Variants in TRPM3 observed in about 807,000 individuals in gnomAD.
TRPM3 encodes the protein long transient receptor potential channel 3.
A neutral mutation model predicts 181.2 loss-of-function variants in TRPM3; 77 were observed. The observed-to-expected ratio is 0.42, with a 90% CI of 0.35 to 0.51. TRPM3 has a LOEUF of 0.51. Ranked by LOEUF, TRPM3 falls within the 20% of genes least tolerant of loss-of-function variation. The probability of loss-of-function intolerance (pLI) is 0.01; values close to 1 mark genes in which losing one functional copy is unlikely to be tolerated. For synonymous variants in TRPM3, 745 were observed against 796.4 expected (o/e 0.94, Z 1.09); for missense variants, 1,759 against 2,196.7 (o/e 0.80, Z 3.98).
chr9:70,823,073 C>T (rs896342646), intron 6 of TRPM3, among the ~76,000 whole-genome samples: 3 of 152,138 alleles, frequency 2.0e-5, no homozygotes, highest in African/African-American at 7.2e-5. Flanking sequence ...GCCTCTCCTC[C>T]TCACGGAGGC....
intron 1 of TRPM3, among the ~76,000 whole-genome samples, chr9:70,867,501 C>T (rs1390775700): frequency 1.3e-5 from 2 of 152,006 alleles, no homozygotes; most frequent in African/African-American, 2.4e-5. Flanking sequence ...AGGTGAAACG[C>T]TACATCATTG....
intron 6 of TRPM3, among the ~76,000 whole-genome samples, chr9:70,789,063 C>T (rs888042439): frequency 1.3e-5 from 2 of 152,158 alleles, no homozygotes; most frequent in African/African-American, 4.8e-5. Context: ...TCTCCTCTTT[C>T]TTTCTTGTTT....
At chr9:71,004,993 C>A (rs1326981027) in intron 1 of TRPM3, among the ~76,000 whole-genome samples, 4 of 152,118 alleles carry the variant, frequency 2.6e-5, no homozygotes, top group Non-Finnish European at 5.9e-5. Flanking sequence ...CATCATCCAT[C>A]AGACCAACTT....
chr9:70,804,463 G>C (rs1381925019), intron 6 of TRPM3, among the ~76,000 whole-genome samples: 5 of 152,158 alleles, frequency 3.3e-5, no homozygotes, highest in Non-Finnish European at 4.4e-5. Context: ...TAATAAAGTT[G>C]TTTGTTTTTC....
intron 7 of TRPM3, among the ~76,000 whole-genome samples, chr9:70,765,359 G>A (rs1021423024): frequency 1.3e-5 from 2 of 152,186 alleles, no homozygotes; most frequent in African/African-American, 2.4e-5. Flanking sequence ...GGAAGCCAGA[G>A]GCGGGTGGAT....
At chr9:70,544,293 A>G (rs1265805071) in intron 25 of TRPM3, among the ~76,000 whole-genome samples, 1 of 152,196 alleles carries the variant, frequency 6.6e-6, no homozygotes, top group Admixed American at 6.5e-5. Context: ...TAGGTAATTA[A>G]ACAGACGGTA....
chr9:70,752,325 C>G (rs1463002721), intron 8 of TRPM3, among the ~76,000 whole-genome samples: 1 of 152,052 alleles, frequency 6.6e-6, no homozygotes, highest in Non-Finnish European at 1.5e-5. Flanking sequence ...TAAGGATGGA[C>G]CATTAAATAA....
At chr9:70,659,197 G>A (rs2060777780) in intron 9 of TRPM3, among the ~76,000 whole-genome samples, 2 of 152,126 alleles carry the variant, frequency 1.3e-5, no homozygotes, top group South Asian at 2.1e-4. Context: ...CTGGAATGGT[G>A]TGCTTTCCTT....
upstream of TRPM3, among the ~76,000 whole-genome samples, chr9:71,125,387 C>T (rs2073967452): frequency 6.6e-6 from 1 of 152,104 alleles, no homozygotes; most frequent in Non-Finnish European, 1.5e-5. Context: ...TGTTGTTACC[C>T]TCCCTGTGTC....
chr9:70,765,785 G>A (rs2078997366), intron 7 of TRPM3, among the ~76,000 whole-genome samples: 1 of 151,820 alleles, frequency 6.6e-6, no homozygotes, highest in Admixed American at 6.6e-5. Flanking sequence ...TTATTGTCTA[G>A]TTCTTCCCAT....
At chr9:70,972,080 G>A (rs77622199) in intron 1 of TRPM3, among the ~76,000 whole-genome samples, 2,011 of 152,182 alleles carry the variant, frequency 0.013, 29 homozygotes, top group East Asian at 0.077. Context: ...ATTCTTTTCC[G>A]AGGCATATAT....
chr9:71,260,486 T>A (rs1039574087), intron 1 of TRPM3, among the ~76,000 whole-genome samples: 1 of 152,228 alleles, frequency 6.6e-6, no homozygotes, highest in African/African-American at 2.4e-5. Flanking sequence ...ACAGCCATTT[T>A]TATGATATTG....
At chr9:71,091,227 T>A (rs948980433) in intron 1 of TRPM3, among the ~76,000 whole-genome samples, 3 of 152,160 alleles carry the variant, frequency 2.0e-5, no homozygotes, top group African/African-American at 4.8e-5. Context: ...GTATTGATTA[T>A]GTTAAAGGAT....
chr9:70,830,075 G>A (rs1439319370), intron 5 of TRPM3, among the ~76,000 whole-genome samples: 2 of 152,164 alleles, frequency 1.3e-5, no homozygotes, highest in Non-Finnish European at 2.9e-5. Flanking sequence ...GAGAAGGAGG[G>A]GTAAGACCAA....
chr9:70,760,848 G>C (rs1389512600), intron 8 of TRPM3: 1 of 152,176 alleles, frequency 6.6e-6, no homozygotes, highest in African/African-American at 2.4e-5. Flanking sequence ...AACATCACTG[G>C]TTTTGAGTCT....
intron 1 of TRPM3, among the ~76,000 whole-genome samples, chr9:70,971,030 C>T (rs1402107739): frequency 3.3e-5 from 5 of 152,246 alleles, no homozygotes; most frequent in South Asian, 2.1e-4. Context: ...TTATCCCACT[C>T]GCTGTTATAC....
chr9:71,352,903 G>C (rs1053673297), intron 1 of TRPM3, among the ~76,000 whole-genome samples: 8 of 151,936 alleles, frequency 5.3e-5, no homozygotes, highest in African/African-American at 1.9e-4. Flanking sequence ...GAAACTCCCA[G>C]GTGGGGCCTC....
intron 7 of TRPM3, among the ~76,000 whole-genome samples, chr9:70,764,514 T>C (rs2078728762): frequency 6.6e-6 from 1 of 152,126 alleles, no homozygotes; most frequent in Non-Finnish European, 1.5e-5. Flanking sequence ...TTTCTAAAAA[T>C]TGAGGAATGA....
At chr9:70,895,516 C>T (rs955556257) in intron 1 of TRPM3, among the ~76,000 whole-genome samples, 2 of 152,094 alleles carry the variant, frequency 1.3e-5, no homozygotes, top group African/African-American at 2.4e-5. Context: ...TACAGATAAC[C>T]TATGATAACT....
Sources: gnomAD v4.1 joint callset for allele counts (sites outside exome capture counted in the v4.1 genomes callset) on GRCh38, gnomAD v4.1.1 for gene constraint, MANE v1.5 for transcripts, NCBI Gene and HGNC (gene_info 2026-07-23, HGNC 2026-07-21) for gene names.